OR56A3: variants seen among roughly 807,000 people sequenced by gnomAD.
The protein encoded by OR56A3 is olfactory receptor 56A3.
In OR56A3, 23 loss-of-function variants were observed where a neutral mutation model predicts 17.5. That is an observed-to-expected ratio of 1.32 (90% CI 0.95 to 1.87). OR56A3 has a LOEUF of 1.87. Among genes scored for constraint, OR56A3 ranks in the 40% most tolerant of loss-of-function variants. OR56A3 has a pLI of 0.00. For missense variants in OR56A3, 366 were observed against 380.1 expected (o/e 0.96, Z 0.31); for synonymous variants, 175 against 150.6 (o/e 1.16, Z -1.19).
chr11:5,957,818 T>C, the OR56A3 span, among the ~76,000 whole-genome samples: 3 of 152,206 alleles, frequency 2.0e-5, no homozygotes, highest in Non-Finnish European at 1.5e-5. Context: ...TTGTCACTAG[T>C]GGGATTTAAG....
chr11:5,946,594 C>T (rs958359018), intron 2 of OR56A3, among the ~76,000 whole-genome samples: 1 of 152,174 alleles, frequency 6.6e-6, no homozygotes, highest in Non-Finnish European at 1.5e-5. Context: ...ACAAGCATTT[C>T]TCCCTGTTAG....
chr11:5,958,013 T>A, the OR56A3 span, among the ~76,000 whole-genome samples: 14 of 152,174 alleles, frequency 9.2e-5, no homozygotes, highest in African/African-American at 3.4e-4. Context: ...GTAAATAATT[T>A]AAAACTGTCC....
chr11:6,017,823 C>A, the OR56A3 span, among the ~76,000 whole-genome samples: 1 of 152,122 alleles, frequency 6.6e-6, no homozygotes, highest in Admixed American at 6.5e-5. Flanking sequence ...AAGAAACTCA[C>A]TTCACCTATA....
chr11:6,021,063 G>C, the OR56A3 span: 3 of 152,010 alleles, frequency 2.0e-5, no homozygotes, highest in African/African-American at 7.2e-5. Context: ...TCATTAAGTA[G>C]AAAAAGAGTG....
At chr11:5,970,048 T>C in the OR56A3 span, among the ~76,000 whole-genome samples, 6 of 152,234 alleles carry the variant, frequency 3.9e-5, no homozygotes, top group African/African-American at 1.4e-4. Context: ...AGATTTGATA[T>C]ATGTTGTGGA....
the OR56A3 span, among the ~76,000 whole-genome samples, chr11:6,016,757 CAAAA>C: frequency 6.9e-6 from 1 of 143,984 alleles, no homozygotes; most frequent in Non-Finnish European, 1.5e-5. Context: ...ATAAATAATA[CAAAA>C]AAAAACCCCA....
the OR56A3 span, among the ~76,000 whole-genome samples, chr11:6,015,677 T>C: frequency 1.4e-4 from 21 of 152,302 alleles, no homozygotes; most frequent in Admixed American, 1.4e-3. Context: ...CAAAGGAGAT[T>C]ATTCTGGAGC....
downstream of OR56A3, among the ~76,000 whole-genome samples, chr11:5,954,655 AAATT>A (rs1181061800): frequency 6.6e-6 from 1 of 152,172 alleles, no homozygotes; most frequent in Non-Finnish European, 1.5e-5. Context: ...AATTGCATTA[AAATT>A]AATTATTTCC....
At chr11:5,985,856 A>G in the OR56A3 span, 1 of 1,294,430 alleles carries the variant, frequency 7.7e-7, no homozygotes, top group Non-Finnish European at 1.1e-6. Flanking sequence ...AATGGTCTGT[A>G]TTCATGTAAT....
At chr11:6,020,895 G>A in the OR56A3 span, 4 of 151,954 alleles carry the variant, frequency 2.6e-5, no homozygotes, top group East Asian at 1.9e-4. Flanking sequence ...AGTTTTATAG[G>A]GGAATGCTTC....
chr11:5,943,526 A>C (rs1564798847), intron 1 of OR56A3: 2 of 151,772 alleles, frequency 1.3e-5, no homozygotes, highest in East Asian at 1.9e-4. Context: ...AAAAAAAAAA[A>C]AAAAAACCAC....
chr11:5,962,949 T>G, the OR56A3 span, among the ~76,000 whole-genome samples: 1 of 152,208 alleles, frequency 6.6e-6, no homozygotes, highest in Non-Finnish European at 1.5e-5. Context: ...CCAAAAATGC[T>G]TCAATTTCTT....
chr11:5,988,900 C>G, the OR56A3 span, among the ~76,000 whole-genome samples: 7 of 152,194 alleles, frequency 4.6e-5, no homozygotes, highest in African/African-American at 1.7e-4. Context: ...GTATTTTTCT[C>G]TGTTGGAGTG....
chr11:5,985,797 G>C, the OR56A3 span: 1 of 711,550 alleles, frequency 1.4e-6, no homozygotes, highest in Middle Eastern at 4.0e-4. Flanking sequence ...GTATCTGTGG[G>C]TGTTCTTTAG....
the OR56A3 span, among the ~76,000 whole-genome samples, chr11:5,966,893 AACACAC>A: frequency 1.0e-4 from 15 of 147,236 alleles, no homozygotes; most frequent in Non-Finnish European, 1.8e-4. Context: ...CACTTAAAGC[AACACAC>A]ACACACACAC....
the OR56A3 span, among the ~76,000 whole-genome samples, chr11:6,011,759 A>C: frequency 1.3e-5 from 2 of 152,108 alleles, no homozygotes; most frequent in South Asian, 4.1e-4. Context: ...TCCAAGGGAG[A>C]CTGGAGTCAG....
the OR56A3 span, among the ~76,000 whole-genome samples, chr11:5,964,176 T>C: frequency 3.3e-5 from 5 of 152,240 alleles, no homozygotes; most frequent in South Asian, 1.0e-3. Context: ...TTCCATAAAA[T>C]AGCTGTTTTG....
At chr11:5,952,100 A>G (rs1419979670), downstream of OR56A3, among the ~76,000 whole-genome samples, 1 of 152,220 alleles carries the variant, frequency 6.6e-6, no homozygotes, top group Admixed American at 6.5e-5. Flanking sequence ...AACATAATGC[A>G]TAAAATAACA....
the OR56A3 span, chr11:5,967,849 G>A: frequency 1.9e-6 from 3 of 1,567,876 alleles, no homozygotes. Flanking sequence ...AGAACAATAA[G>A]GATGAGGTCA....
Sources: gnomAD v4.1 joint callset for allele counts (sites outside exome capture counted in the v4.1 genomes callset) on GRCh38, gnomAD v4.1.1 for gene constraint, MANE v1.5 for transcripts, NCBI Gene and HGNC (gene_info 2026-07-23, HGNC 2026-07-21) for gene names.